Variants in VGLL4 observed in about 807,000 individuals in gnomAD.
VGLL4 encodes vestigial like family member 4.
Under a neutral mutation model 21.0 loss-of-function variants are expected in VGLL4, and 7 were observed. The observed-to-expected ratio is 0.33, with a 90% CI of 0.19 to 0.63. The LOEUF is 0.63. VGLL4 is among the 20% of genes least tolerant of loss of function. The pLI is 0.78. For missense variants in VGLL4, 394 were observed against 425.7 expected (o/e 0.93, Z 0.66); for synonymous variants, 222 against 173.2 (o/e 1.28, Z -2.21).
chr3:11,611,364 G>A (rs74898208), intron 1 of VGLL4, among the ~76,000 whole-genome samples: 5,177 of 152,260 alleles, frequency 0.034, 241 homozygotes, highest in African/African-American at 0.097. Context: ...ACCATGCGAG[G>A]ATATGGGAGA....
At chr3:11,715,398 A>G (rs1252686879) in intron 1 of VGLL4, among the ~76,000 whole-genome samples, 5 of 151,948 alleles carry the variant, frequency 3.3e-5, no homozygotes, top group African/African-American at 1.2e-4. Context: ...CAATGGTGCG[A>G]TCTCAGCTCA....
chr3:11,573,336 A>G lies in VGLL4; in HGVS notation c.273-8317T>C, dbSNP rs940961553. Among the ~76,000 whole-genome samples, 72 of 77,268 alleles carry G rather than the reference A, an allele frequency of 9.3e-4. 1 individual carries two copies. Among genetic ancestry groups the G allele is most frequent in the East Asian group, 4.9e-3 (10 of 2,026 alleles). The allele number at this position is 77,268 out of a possible 152,430, so 50.7% of individuals were successfully genotyped here. A position where few individuals can be genotyped will look rare whatever the true frequency, so the allele number is the denominator to read the frequency against. On this transcript the variant is annotated intron_variant, in intron 2 of 4. Coordinates refer to ENST00000430365, the MANE Select transcript of VGLL4 (RefSeq NM_001128219.3). ...GGAAGGAAGAAAGAAAGAAAGAAAG[A>G]AAGAAAGAAAGAAAGAAAGAAAGAA...
At chr3:11,671,731 T>A (rs958248410) in intron 2 of VGLL4, among the ~76,000 whole-genome samples, 2 of 152,200 alleles carry the variant, frequency 1.3e-5, no homozygotes, top group South Asian at 2.1e-4. Context: ...CTTTTTTTTT[T>A]TAAATAACTT....
At chr3:11,645,194 A>T (rs2075770134), upstream of VGLL4, among the ~76,000 whole-genome samples, 1 of 138,188 alleles carries the variant, frequency 7.2e-6, no homozygotes, top group East Asian at 2.2e-4. Flanking sequence ...AAATAGAAAA[A>T]AAAAAAACAA....
At chr3:11,578,851 G>C (rs973680033) in intron 2 of VGLL4, among the ~76,000 whole-genome samples, 13 of 141,524 alleles carry the variant, frequency 9.2e-5, no homozygotes, top group African/African-American at 2.3e-4. Flanking sequence ...CCAGGTTCAC[G>C]CCATTCTCCT....
rs1393603125 is a variant in VGLL4, at chr3:11,564,656, G to A, written c.495+141C>T. Reference sequence around the variant, plus strand: ...TCCCAAGTGCACAACAGAGGCGAAGGGTGGCATCCCTCACCACCTCCCTCC... The same window carrying A: ...TCCCAAGTGCACAACAGAGGCGAAGAGTGGCATCCCTCACCACCTCCCTCC... On this transcript the variant is annotated intron_variant, in intron 3 of 4. Coordinates refer to ENST00000430365, the MANE Select transcript of VGLL4 (RefSeq NM_001128219.3). The A allele has an allele frequency of 1.1e-5, 9 of 831,060 alleles. No individual in the cohort carries two copies. The Admixed American group carries it at 1.7e-4, about 15-fold the overall frequency. 51.5% of individuals were successfully genotyped at this position (831,060 alleles called of 1,614,324 possible). A position where few individuals can be genotyped will look rare whatever the true frequency, so the allele number is the denominator to read the frequency against.
intron 1 of VGLL4, among the ~76,000 whole-genome samples, chr3:11,628,616 T>G (rs2616545): frequency 3.7e-4 from 55 of 150,248 alleles, no homozygotes; most frequent in Non-Finnish European, 6.9e-4. Flanking sequence ...GTCAGGAGAT[T>G]GAGACCATCC....
intron 2 of VGLL4, among the ~76,000 whole-genome samples, chr3:11,566,209 G>C (rs2073498099): frequency 1.3e-5 from 2 of 152,060 alleles, no homozygotes; most frequent in South Asian, 4.1e-4. Flanking sequence ...CACACACACT[G>C]AATGTTACAC....
chr3:11,556,614 C>CAACT lies in VGLL4; in HGVS notation c.*1941_*1942insAGTT, dbSNP rs1559842040. The CAACT allele has an allele frequency of 6.6e-6, 1 of 151,950 alleles. No homozygotes were observed. The highest frequency in any genetic ancestry group is 2.4e-5 in the African/African-American group (1 of 41,184). The allele number at this position is 151,950 out of a possible 1,614,324, so 9.4% of individuals were successfully genotyped here. A position where few individuals can be genotyped will look rare whatever the true frequency, so the allele number is the denominator to read the frequency against. ...AATCTACGACAAAAAAAAAGATCAA[C>CAACT]TTTTTTTTTCCGAACAACAAAAAAA... is the stretch of plus-strand genomic sequence containing the variant. On this transcript the variant is annotated 3_prime_UTR_variant, in exon 5 of 5. Transcript: ENST00000430365.
At chr3:11,720,669 C>T (rs887106027) in exon 1 of VGLL4, 7 of 152,254 alleles carry the variant, frequency 4.6e-5, no homozygotes, top group Admixed American at 1.3e-4. Flanking sequence ...GAAAGAGTCC[C>T]CTTCAGCCGC....
chr3:11,675,886 G>A (rs753282689), intron 2 of VGLL4, among the ~76,000 whole-genome samples: 12 of 152,120 alleles, frequency 7.9e-5, no homozygotes, highest in Non-Finnish European at 1.3e-4. Flanking sequence ...CTTGATTTGC[G>A]TGTTTTTCTT....
At chr3:11,700,725 AC>A (rs2076669910) in intron 2 of VGLL4, among the ~76,000 whole-genome samples, 1 of 152,222 alleles carries the variant, frequency 6.6e-6, no homozygotes, top group Admixed American at 6.5e-5. Context: ...AGGATGGCTG[AC>A]AGCTCTGGAG....
intron 1 of VGLL4, among the ~76,000 whole-genome samples, chr3:11,628,086 T>C (rs533364525): frequency 1.1e-4 from 16 of 152,154 alleles, no homozygotes; most frequent in Non-Finnish European, 2.4e-4. Context: ...ACAACATAAA[T>C]ATGTATTAAA....
At chr3:11,650,715 GA>G (rs2075857953) in intron 2 of VGLL4, among the ~76,000 whole-genome samples, 1 of 105,550 alleles carries the variant, frequency 9.5e-6, no homozygotes, top group Non-Finnish European at 2.0e-5. Context: ...GCTACACATA[GA>G]AAACACACAC....
At chr3:11,575,851 C>A (rs1346115551) in intron 2 of VGLL4, among the ~76,000 whole-genome samples, 1 of 152,204 alleles carries the variant, frequency 6.6e-6, no homozygotes, top group Non-Finnish European at 1.5e-5. Context: ...CATTCAGAGA[C>A]CCTCTTTGCT....
Position 11,582,190 on chromosome 3 carries a change from G to T in VGLL4, c.273-17171C>A, listed in dbSNP as rs369521958. The T allele has an allele frequency of 2.0e-4, 274 of 1,398,016 alleles. 2 individuals carry two copies. The South Asian group carries it at 2.9e-3, about 15-fold the overall frequency. The allele number at this position is 1,398,016 out of a possible 1,614,324, so 86.6% of individuals were successfully genotyped here. A position where few individuals can be genotyped will look rare whatever the true frequency, so the allele number is the denominator to read the frequency against. On this transcript the variant is annotated intron_variant, in intron 2 of 4. Transcript: ENST00000430365. ...TACCTCTCCCAGCACTTGCTGTCTC[G>T]CAGTTTAAATTAATTACAGCTGAAA... is the stretch of plus-strand genomic sequence containing the variant.
In VGLL4 at chr3:11,565,568, G is replaced by C. The variant is rs1178697840; in HGVS notation, c.273-549C>G. Among the ~76,000 whole-genome samples the C allele has an allele frequency of 6.6e-6, 1 of 152,166 alleles. No homozygotes were observed. Among genetic ancestry groups the C allele is most frequent in the African/African-American group, 2.4e-5 (1 of 41,434 alleles). ...AGAACCCCAAGACTCAAGAGTGGTG[G>C]AATAATCAGCTCAGACTCCCAGCTG... On this transcript the variant is annotated intron_variant, in intron 2 of 4. Coordinates refer to ENST00000430365, the MANE Select transcript of VGLL4 (RefSeq NM_001128219.3). The surrounding 1 kb of genome is among the most constrained non-coding windows in gnomAD (Gnocchi z 4.1).
In VGLL4 at chr3:11,651,340, A is replaced by G. The variant is rs545466151; in HGVS notation, c.65-49318T>C. 3.0e-3 allele frequency among the ~76,000 whole-genome samples: 457 copies of G among 151,938 alleles called. 1 individual carries two copies. Among genetic ancestry groups the G allele is most frequent in the Middle Eastern group, 6.8e-3 (2 of 294 alleles). The stretch of plus-strand genomic sequence containing the variant: ...CCTAAGCGATAGAGTGAGACTCAAA[A>G]AAAAAAAAAGAAAGAAAGAAAAAGA... On this transcript the variant is annotated intron_variant, in intron 2 of 5. Transcript: ENST00000273038.
At chr3:11,715,545 G>A (rs182389480) in intron 1 of VGLL4, among the ~76,000 whole-genome samples, 2,221 of 152,168 alleles carry the variant, frequency 0.015, 33 homozygotes, top group Non-Finnish European at 0.018. Flanking sequence ...TGTTGGCCAG[G>A]CTGGTCTCAA....
Sources: allele counts gnomAD v4.1 joint callset (sites outside exome capture counted in the v4.1 genomes callset), GRCh38; gene constraint gnomAD v4.1.1; non-coding constraint Gnocchi (gnomAD v3.1); transcripts MANE v1.5; gene names NCBI Gene and HGNC (gene_info 2026-07-23, HGNC 2026-07-21).